CLSTN2: variants seen among roughly 807,000 people sequenced by gnomAD.
The protein encoded by CLSTN2 is calsyntenin-2.
In CLSTN2, 48 loss-of-function variants were observed where a neutral mutation model predicts 101.2. The ratio of observed to expected loss-of-function variants is 0.47; its 90% CI spans 0.38 to 0.60. The LOEUF is 0.60. CLSTN2 is among the 20% of genes least tolerant of loss of function. CLSTN2 has a pLI of 0.00. For synonymous variants in CLSTN2, 481 were observed against 463.6 expected (o/e 1.04, Z -0.48); for missense variants, 1,160 against 1,238.2 (o/e 0.94, Z 0.95).
intron 5 of CLSTN2, among the ~76,000 whole-genome samples, chr3:140,424,344 G>A (rs1455794561): frequency 6.6e-6 from 1 of 152,156 alleles, no homozygotes; most frequent in Non-Finnish European, 1.5e-5. Flanking sequence ...AGGCCATAAG[G>A]CCTTTCTAGC....
chr3:140,542,353 C>T (rs1417910320), intron 9 of CLSTN2, among the ~76,000 whole-genome samples: 1 of 152,134 alleles, frequency 6.6e-6, no homozygotes, highest in African/African-American at 2.4e-5. Context: ...ACAGAAAATG[C>T]TTTAAAAATG....
At chr3:140,561,449 C>A (rs1199720627) in intron 12 of CLSTN2, among the ~76,000 whole-genome samples, 1 of 152,188 alleles carries the variant, frequency 6.6e-6, no homozygotes, top group Admixed American at 6.5e-5. Flanking sequence ...TAGGCAAGGA[C>A]AACTTGACTG....
At position 140,462,618 on chromosome 3, in the gene CLSTN2, G is replaced by T. The variant is rs144832094; in HGVS notation, c.1222+2849G>T. On this transcript the variant is annotated intron_variant, in intron 7 of 16. Coordinates refer to ENST00000458420, the MANE Select transcript of CLSTN2 (RefSeq NM_022131.3). ...AATAGCTGGATAACAGAATTGACTA[G>T]TCAGCAAAGGCTAACTGCAAAAAAG... 3.3e-5 allele frequency: 5 copies of T among 152,212 alleles called. No homozygotes were observed. In the East Asian group the frequency reaches 9.6e-4, roughly 29 times the overall value. 9.4% of individuals were successfully genotyped at this position (152,212 alleles called of 1,614,324 possible).
intron 2 of CLSTN2, among the ~76,000 whole-genome samples, chr3:140,392,561 T>G (rs567690138): frequency 1.3e-5 from 2 of 152,284 alleles, no homozygotes; most frequent in East Asian, 3.9e-4. Flanking sequence ...AAGTTTAAAC[T>G]CTAGTTTCTT....
intron 8 of CLSTN2, among the ~76,000 whole-genome samples, chr3:140,476,550 G>A (rs1444117228): frequency 6.6e-6 from 1 of 152,104 alleles, no homozygotes; most frequent in East Asian, 1.9e-4. Flanking sequence ...GAATATGCAC[G>A]AGGACAAGAA....
chr3:140,123,535 A>G (rs923250849), intron 1 of CLSTN2, among the ~76,000 whole-genome samples: 3 of 152,272 alleles, frequency 2.0e-5, no homozygotes, highest in Non-Finnish European at 2.9e-5. Context: ...GGTCAAAGTA[A>G]TCAGGGATCC....
At chr3:140,057,199 G>A (rs1461298442) in intron 1 of CLSTN2, among the ~76,000 whole-genome samples, 1 of 152,220 alleles carries the variant, frequency 6.6e-6, no homozygotes, top group Non-Finnish European at 1.5e-5. Flanking sequence ...CACATCCAAT[G>A]ACATGGATGA....
At chr3:140,171,683 A>T (rs1289805617) in intron 1 of CLSTN2, among the ~76,000 whole-genome samples, 1 of 7,670 alleles carries the variant, frequency 1.3e-4, no homozygotes, top group Non-Finnish European at 3.4e-4. Flanking sequence ...TGTATTATAT[A>T]TAATATATAT....
chr3:140,528,146 C>CTATTTTATAGGGTTGTGGTGAAGATTA, intron 8 of CLSTN2, among the ~76,000 whole-genome samples: 1 of 152,200 alleles, frequency 6.6e-6, no homozygotes. Flanking sequence ...ATTGGTCCTC[C>CTATTTTATAGGGTTGTGGTGAAGATTA]TATTTTATAG....
chr3:140,191,241 C>T lies in CLSTN2; in HGVS notation c.232+15168C>T, dbSNP rs76989528. Among the ~76,000 whole-genome samples, 256 of 151,942 alleles carry T rather than the reference C, an allele frequency of 1.7e-3. 2 individuals are homozygous for T. The highest frequency in any genetic ancestry group is 6.0e-3 in the African/African-American group (247 of 41,480). On this transcript the variant is annotated intron_variant, in intron 2 of 16. Coordinates refer to ENST00000458420, the MANE Select transcript of CLSTN2 (RefSeq NM_022131.3). ...ATTGATTTTCAAATGTTGAATCAAC[C>T]TCACATCCTTAGACTAAATCCTACT...
chr3:140,119,521 T>G (rs955399790), intron 1 of CLSTN2, among the ~76,000 whole-genome samples: 1 of 152,148 alleles, frequency 6.6e-6, no homozygotes, highest in Admixed American at 6.5e-5. Flanking sequence ...TAATTTTGTT[T>G]TGTTTTGTTT....
chr3:140,367,901 T>A (rs796700771), intron 2 of CLSTN2, among the ~76,000 whole-genome samples: 18 of 152,248 alleles, frequency 1.2e-4, no homozygotes, highest in African/African-American at 3.9e-4. Flanking sequence ...GCAAAGTGAG[T>A]GCTTGGTTAA....
At chr3:140,358,573 T>A (rs1198216191) in intron 2 of CLSTN2, among the ~76,000 whole-genome samples, 1 of 152,158 alleles carries the variant, frequency 6.6e-6, no homozygotes, top group Non-Finnish European at 1.5e-5. Context: ...TGACCCTTTC[T>A]TGGGTCATAT....
In CLSTN2 at chr3:140,566,388, C is replaced by T. The variant is rs1217244024; in HGVS notation, c.*135C>T. 2 of 861,910 alleles carry T rather than the reference C, an allele frequency of 2.3e-6. No individual in the cohort carries two copies. Among genetic ancestry groups the T allele is most frequent in the East Asian group, 2.7e-5 (1 of 37,714 alleles). The allele number at this position is 861,910 out of a possible 1,614,324, so 53.4% of individuals were successfully genotyped here. A position where few individuals can be genotyped will look rare whatever the true frequency, so the allele number is the denominator to read the frequency against. ...GCCTTCTCCAGCTTCCTGGAGCCCACCCTTTAAGCCTTGGGCACTCCCTGT... is the reference window on the plus strand; with the variant it reads ...GCCTTCTCCAGCTTCCTGGAGCCCATCCTTTAAGCCTTGGGCACTCCCTGT... On this transcript the variant is annotated 3_prime_UTR_variant, in exon 17 of 17. Coordinates refer to ENST00000458420, the MANE Select transcript of CLSTN2 (RefSeq NM_022131.3).
intron 8 of CLSTN2, among the ~76,000 whole-genome samples, chr3:140,524,366 C>T (rs946631098): frequency 5.3e-5 from 8 of 152,142 alleles, no homozygotes; most frequent in Non-Finnish European, 8.8e-5. Context: ...ACATTGGTTA[C>T]GTGTGAAGTG....
intron 2 of CLSTN2, among the ~76,000 whole-genome samples, chr3:140,255,309 CAAAAG>C (rs1166191605): frequency 1.3e-5 from 2 of 152,024 alleles, no homozygotes; most frequent in African/African-American, 4.8e-5. Flanking sequence ...GGCATACACC[CAAAAG>C]AAAAGAAATC....
intron 2 of CLSTN2, among the ~76,000 whole-genome samples, chr3:140,384,556 T>C (rs2088029760): frequency 6.6e-6 from 1 of 151,980 alleles, no homozygotes; most frequent in South Asian, 2.1e-4. Flanking sequence ...TGCCCAGGGG[T>C]CGCCTGGTGC....
intron 7 of CLSTN2, chr3:140,460,258 A>G (rs1933526259): frequency 6.1e-6 from 1 of 164,822 alleles, no homozygotes; most frequent in South Asian, 1.6e-4. Flanking sequence ...CTACCATTCG[A>G]TAGGCTTTTC....
At chr3:139,937,792 T>C (rs542301676) in intron 1 of CLSTN2, among the ~76,000 whole-genome samples, 1 of 152,094 alleles carries the variant, frequency 6.6e-6, no homozygotes, top group African/African-American at 2.4e-5. Context: ...TTTTCCAGGG[T>C]AAAAAGTTTA....
Sources: allele counts gnomAD v4.1 joint callset (sites outside exome capture counted in the v4.1 genomes callset), GRCh38; gene constraint gnomAD v4.1.1; transcripts MANE v1.5; gene names NCBI Gene and HGNC (gene_info 2026-07-23, HGNC 2026-07-21).